The following MAGI2 variants were observed in gnomAD, a reference collection of about 807,000 sequenced individuals.
The protein encoded by MAGI2 is membrane-associated guanylate kinase, WW and PDZ domain-containing protein 2.
In MAGI2, 35 loss-of-function variants were observed where a neutral mutation model predicts 133.3. The observed-to-expected ratio is 0.26, with a 90% CI of 0.20 to 0.35. MAGI2 has a LOEUF of 0.35. Among genes scored for constraint, MAGI2 ranks in the 10% least tolerant of loss-of-function variants. The pLI, the probability that MAGI2 is intolerant of heterozygous loss-of-function variation, is 1.00. For synonymous variants in MAGI2, 729 were observed against 710.6 expected (o/e 1.03, Z -0.41); for missense variants, 1,636 against 1,863.4 (o/e 0.88, Z 2.25).
At position 79,109,181 on chromosome 7, in the gene MAGI2, T is replaced by G. The variant is rs550533513; in HGVS notation, c.302-101975A>C. On this transcript the variant is annotated intron_variant, in intron 1 of 21. Coordinates refer to ENST00000354212, the MANE Select transcript of MAGI2 (RefSeq NM_012301.4). ...GATACTTGAAAATCTGGAAGCAGCT[T>G]TGGAACTGAGTGGCAGGCAGAGGTT... Among the ~76,000 whole-genome samples, 6 of 152,288 alleles carry G rather than the reference T, an allele frequency of 3.9e-5. No homozygotes were observed. The South Asian group carries it at 1.0e-3, about 26-fold the overall frequency.
In MAGI2 at chr7:79,062,672, A is replaced by T. The variant is rs1033725721; in HGVS notation, c.302-55466T>A. On this transcript the variant is annotated intron_variant, in intron 1 of 21. Coordinates refer to ENST00000354212, the MANE Select transcript of MAGI2 (RefSeq NM_012301.4). ...GAAAAATATATATTTTCATGAGTCT[A>T]TAATTTGAAAACAAAACAATCCAGG... is the stretch of plus-strand genomic sequence containing the variant. Among the ~76,000 whole-genome samples the T allele has an allele frequency of 3.3e-5, 5 of 152,086 alleles. No individual in the cohort carries two copies. The East Asian group carries it at 7.7e-4, about 23-fold the overall frequency.
chr7:79,384,654 A>C (rs1455232285), intron 1 of MAGI2, among the ~76,000 whole-genome samples: 2 of 151,678 alleles, frequency 1.3e-5, no homozygotes, highest in East Asian at 1.9e-4. Flanking sequence ...AAATATTTGC[A>C]AACTTACCAA....
intron 1 of MAGI2, among the ~76,000 whole-genome samples, chr7:79,268,597 A>T (rs182539123): frequency 6.6e-6 from 1 of 152,340 alleles, no homozygotes; most frequent in Admixed American, 6.5e-5. Context: ...GGGATTTTTT[A>T]AAGTTTTAAA....
chr7:78,333,917 T>C (rs1019678649), intron 9 of MAGI2, among the ~76,000 whole-genome samples: 6 of 152,206 alleles, frequency 3.9e-5, no homozygotes, highest in Admixed American at 3.9e-4. Context: ...GAGTTTGGCA[T>C]AGTTTGTTAG....
Position 79,042,440 on chromosome 7 carries a change from T to G in MAGI2, c.302-35234A>C, listed in dbSNP as rs144039546. The stretch of plus-strand genomic sequence containing the variant: ...AGTGTCATTACATGTGAGATGCATC[T>G]CTTGAAGACAGCATATAGTTGGGTC... On this transcript the variant is annotated intron_variant, in intron 1 of 21. Coordinates refer to ENST00000354212, the MANE Select transcript of MAGI2 (RefSeq NM_012301.4). Among the ~76,000 whole-genome samples the G allele has an allele frequency of 2.1e-3, 315 of 152,302 alleles. 3 individuals carry two copies. Among genetic ancestry groups the G allele is most frequent in the African/African-American group, 7.2e-3 (299 of 41,578 alleles).
chr7:78,341,248 T>C (rs192227475), intron 9 of MAGI2, among the ~76,000 whole-genome samples: 14 of 152,148 alleles, frequency 9.2e-5, no homozygotes, highest in Admixed American at 2.6e-4. Flanking sequence ...GAATACAACT[T>C]ACGAGGGATG....
chr7:78,188,615 C>T (rs1205243047), intron 12 of MAGI2, among the ~76,000 whole-genome samples: 1 of 151,970 alleles, frequency 6.6e-6, no homozygotes, highest in Non-Finnish European at 1.5e-5. Flanking sequence ...AGATTGTGTT[C>T]CAGAGAACAT....
intron 6 of MAGI2, among the ~76,000 whole-genome samples, chr7:78,409,618 C>A (rs754903625): frequency 6.6e-6 from 1 of 152,064 alleles, no homozygotes; most frequent in Non-Finnish European, 1.5e-5. Context: ...TTGGTACATT[C>A]TTTTAAAGAG....
At chr7:78,039,169 CTT>C (rs1028132236) in intron 21 of MAGI2, among the ~76,000 whole-genome samples, 5 of 152,162 alleles carry the variant, frequency 3.3e-5, no homozygotes, top group African/African-American at 1.2e-4. Flanking sequence ...TCCTCTCTCT[CTT>C]TGACTGGCAA....
At chr7:78,404,680 A>C (rs1330035740) in intron 6 of MAGI2, among the ~76,000 whole-genome samples, 1 of 152,216 alleles carries the variant, frequency 6.6e-6, no homozygotes, top group South Asian at 2.1e-4. Context: ...AAGATGGGTT[A>C]AAGACTTAAA....
At chr7:78,342,778 G>T (rs1790523144) in intron 9 of MAGI2, among the ~76,000 whole-genome samples, 1 of 152,132 alleles carries the variant, frequency 6.6e-6, no homozygotes. Flanking sequence ...ATGGACACAG[G>T]GAGGAGAACA....
intron 2 of MAGI2, among the ~76,000 whole-genome samples, chr7:78,806,883 A>G (rs1036387256): frequency 1.4e-5 from 2 of 142,372 alleles, no homozygotes; most frequent in African/African-American, 5.6e-5. Flanking sequence ...AAAATAAAAT[A>G]AAATAAAATA....
At chr7:79,109,988 G>C (rs536070915) in intron 1 of MAGI2, among the ~76,000 whole-genome samples, 1 of 152,318 alleles carries the variant, frequency 6.6e-6, no homozygotes, top group East Asian at 1.9e-4. Flanking sequence ...CTCACATCCT[G>C]GCAGATCTGG....
intron 2 of MAGI2, among the ~76,000 whole-genome samples, chr7:78,847,095 A>G (rs1009403820): frequency 2.0e-5 from 3 of 152,032 alleles, no homozygotes; most frequent in Admixed American, 2.0e-4. Context: ...TTTTAAAAAG[A>G]TATTTATACA....
intron 2 of MAGI2, chr7:78,940,811 TAAC>T (rs1309568629): frequency 6.6e-6 from 1 of 152,166 alleles, no homozygotes; most frequent in Non-Finnish European, 1.5e-5. Context: ...AGAAAATGTC[TAAC>T]AAGAGAAGCA....
At chr7:79,028,995 T>C (rs1364366347) in intron 1 of MAGI2, among the ~76,000 whole-genome samples, 2 of 152,238 alleles carry the variant, frequency 1.3e-5, no homozygotes, top group East Asian at 3.8e-4. Flanking sequence ...ACAAATGTTA[T>C]ATTTTAAATA....
intron 9 of MAGI2, among the ~76,000 whole-genome samples, chr7:78,313,421 CAT>C (rs1486330635): frequency 1.3e-5 from 2 of 151,836 alleles, no homozygotes; most frequent in Non-Finnish European, 2.9e-5. Context: ...AGCTTAATGA[CAT>C]AAAAAAATTC....
intron 3 of MAGI2, among the ~76,000 whole-genome samples, chr7:78,536,103 CTTTTTTTTTT>C (rs544655465): frequency 9.3e-4 from 56 of 59,944 alleles, no homozygotes; most frequent in African/African-American, 2.9e-3. Flanking sequence ...ATGAATTAAA[CTTTTTTTTTT>C]TTTTTTTTTT....
At chr7:78,864,466 G>A (rs1396051303) in intron 2 of MAGI2, among the ~76,000 whole-genome samples, 2 of 152,166 alleles carry the variant, frequency 1.3e-5, no homozygotes, top group Non-Finnish European at 2.9e-5. Flanking sequence ...CTTATAAGAA[G>A]CACTTTCCTC....
Sources: gnomAD v4.1 joint callset for allele counts (sites outside exome capture counted in the v4.1 genomes callset) on GRCh38, gnomAD v4.1.1 for gene constraint, MANE v1.5 for transcripts, NCBI Gene and HGNC (gene_info 2026-07-23, HGNC 2026-07-21) for gene names.